The following CRLS1 variants were observed in gnomAD, a reference collection of about 807,000 sequenced individuals.
CRLS1 encodes cardiolipin synthase (CMP-forming).
Under a neutral mutation model 37.0 loss-of-function variants are expected in CRLS1, and 24 were observed. The ratio of observed to expected loss-of-function variants is 0.65; its 90% CI spans 0.47 to 0.91. The LOEUF is 0.91. Among genes scored for constraint, CRLS1 ranks in the 40% least tolerant of loss-of-function variants. The pLI, the probability that CRLS1 is intolerant of heterozygous loss-of-function variation, is 0.00. For synonymous variants in CRLS1, 135 were observed against 159.7 expected (o/e 0.85, Z 1.17); for missense variants, 373 against 395.8 (o/e 0.94, Z 0.49).
At position 6,039,406 on chromosome 20, in the gene CRLS1, A is replaced by C. The variant is rs1980814065; in HGVS notation, c.*2248A>C. 6.6e-6 allele frequency: 1 copy of C among 152,052 alleles called. No homozygotes were observed. The highest frequency in any genetic ancestry group is 2.4e-5 in the African/African-American group (1 of 41,380). The allele number at this position is 152,052 out of a possible 1,614,324, so 9.4% of individuals were successfully genotyped here. ...CATTTAGGCCAATTCTTTTAGTTAC[A>C]TTTATGATGAAACTAGGGATCTACC... On this transcript the variant is annotated 3_prime_UTR_variant, in exon 7 of 7. Transcript: ENST00000378863.
Position 6,006,689 on chromosome 20 carries a change from C to G in CRLS1, c.306+137C>G, listed in dbSNP as rs187814135. 4.7e-3 allele frequency: 5,720 copies of G among 1,209,996 alleles called. 17 individuals carry two copies. Among genetic ancestry groups the G allele is most frequent in the Non-Finnish European group, 5.2e-3 (5,035 of 974,412 alleles). 75.0% of individuals were successfully genotyped at this position (1,209,996 alleles called of 1,614,324 possible). On this transcript the variant is annotated intron_variant, in intron 1 of 6. Coordinates refer to ENST00000378863, the MANE Select transcript of CRLS1 (RefSeq NM_019095.6). ...TAGACTCTTCCCTGAAAAGAAGTTACTGGCAGGTCATTCGGTCGGGATGAA... is the reference window on the plus strand; with the variant it reads ...TAGACTCTTCCCTGAAAAGAAGTTAGTGGCAGGTCATTCGGTCGGGATGAA...
rs1209750150 is a variant in CRLS1, at chr20:6,021,090, G to A, written c.574+5600G>A. Among the ~76,000 whole-genome samples, 25 of 139,294 alleles carry A rather than the reference G, an allele frequency of 1.8e-4. No individual in the cohort carries two copies. The East Asian group carries it at 2.8e-3, about 16-fold the overall frequency. 91.4% of individuals were successfully genotyped at this position (139,294 alleles called of 152,430 possible). A position where few individuals can be genotyped will look rare whatever the true frequency, so the allele number is the denominator to read the frequency against. On this transcript the variant is annotated intron_variant, in intron 3 of 6. Transcript: ENST00000378863. Reference sequence around the variant, plus strand: ...CTTTTTTTTTTTTTTTTTTTGAGACGGAGTCTCGCTCTGTCTCCCAGGCTA... The same window carrying A: ...CTTTTTTTTTTTTTTTTTTTGAGACAGAGTCTCGCTCTGTCTCCCAGGCTA...
chr20:6,021,665 C>T lies in CRLS1; in HGVS notation c.574+6175C>T, dbSNP rs186751322. On this transcript the variant is annotated intron_variant, in intron 3 of 6. Coordinates refer to ENST00000378863, the MANE Select transcript of CRLS1 (RefSeq NM_019095.6). ...TTAAATAAAACCCATTTTGTCTTAACCCATATAGTCTTTTAACAGAAGCAT... is the reference window on the plus strand; with the variant it reads ...TTAAATAAAACCCATTTTGTCTTAATCCATATAGTCTTTTAACAGAAGCAT... Among the ~76,000 whole-genome samples the T allele has an allele frequency of 3.3e-3, 496 of 152,066 alleles. 2 individuals are homozygous for T. The highest frequency in any genetic ancestry group is 0.011 in the African/African-American group (461 of 41,458).
chr20:6,036,070 G>A (rs1600394669), intron 6 of CRLS1, among the ~76,000 whole-genome samples: 2 of 152,212 alleles, frequency 1.3e-5, no homozygotes, highest in South Asian at 4.1e-4. Context: ...CTCTCAAAGT[G>A]CTGGGATTAC....
intron 3 of CRLS1, among the ~76,000 whole-genome samples, chr20:6,024,569 C>T (rs898910064): frequency 6.6e-6 from 1 of 152,146 alleles, no homozygotes; most frequent in Admixed American, 6.5e-5. Context: ...CAATTAATAA[C>T]CCTGCAATGT....
At chr20:6,015,230 A>G (rs545538633) in intron 2 of CRLS1, 131 bp from the exon 3 acceptor site, 25 of 512,794 alleles carry the variant, frequency 4.9e-5, no homozygotes, top group East Asian at 3.9e-4. Flanking sequence ...GTTTGGGGGT[A>G]AGAAACAGAA....
chr20:6,031,640 A>C (rs192068687), intron 4 of CRLS1, among the ~76,000 whole-genome samples: 1 of 152,326 alleles, frequency 6.6e-6, no homozygotes, highest in Admixed American at 6.5e-5. Context: ...ATATTTATTC[A>C]CAGGCTCTAT....
Position 6,025,767 on chromosome 20 carries a change from A to T in CRLS1, c.575-5518A>T, listed in dbSNP as rs115704950. 8.5e-3 allele frequency among the ~76,000 whole-genome samples: 1,289 copies of T among 152,304 alleles called. 17 individuals are homozygous for T. The highest frequency in any genetic ancestry group is 0.03 in the African/African-American group (1,230 of 41,564). On this transcript the variant is annotated intron_variant, in intron 3 of 6. Coordinates refer to ENST00000378863, the MANE Select transcript of CRLS1 (RefSeq NM_019095.6). The stretch of plus-strand genomic sequence containing the variant: ...TTTTGGAAGAAGTTGATTCCAACCC[A>T]CATGGATGATTTGAGGGGTTCAAGA...
At position 6,034,542 on chromosome 20, in the gene CRLS1, C is replaced by T. The variant is rs1388035327; in HGVS notation, c.808C>T (p.Leu270Phe). The change falls in exon 6 of 7, where the codon CTT (leucine) becomes TTT (phenylalanine). Residue 270 changes from leucine to phenylalanine, a missense_variant. Transcript: ENST00000378863. ...TTTCAACTATGCTGACAGCATTTAT[C>T]TTCAGATACTATGGTAAGCTAAATT... ...PVFNYADSIY[L>F]QILWCFTAFT... 1.2e-6 allele frequency: 2 copies of T among 1,609,450 alleles called. No individual in the cohort carries two copies. Among genetic ancestry groups the T allele is most frequent in the Non-Finnish European group, 1.7e-6 (2 of 1,177,042 alleles).
intron 1 of CRLS1, among the ~76,000 whole-genome samples, chr20:6,008,584 G>C (rs1256638819): frequency 1.3e-5 from 2 of 152,206 alleles, no homozygotes; most frequent in Non-Finnish European, 2.9e-5. Context: ...GTTTTTAGTT[G>C]AGGATCTTAA....
intron 3 of CRLS1, chr20:6,026,264 T>A (rs1000597942): frequency 1.3e-5 from 2 of 152,176 alleles, no homozygotes; most frequent in African/African-American, 4.8e-5. Context: ...AGCAAAAAGA[T>A]TATGACTCAT....
chr20:6,034,407 C>A, intron 5 of CRLS1, 57 bp from the exon 6 acceptor site: 4 of 1,240,018 alleles, frequency 3.2e-6, no homozygotes, highest in South Asian at 1.2e-5. Flanking sequence ...GTCTTGAAAG[C>A]TTGAAATAGG....
chr20:6,018,063 A>G (rs1978898450), intron 3 of CRLS1, among the ~76,000 whole-genome samples: 1 of 151,930 alleles, frequency 6.6e-6, no homozygotes, highest in South Asian at 2.1e-4. Context: ...TAAAAATACA[A>G]CAATTAGCCA....
intron 3 of CRLS1, among the ~76,000 whole-genome samples, chr20:6,027,082 A>ATT (rs11361547): frequency 6.2e-5 from 8 of 128,464 alleles, no homozygotes; most frequent in Non-Finnish European, 1.2e-4. Context: ...TGGAAATTGA[A>ATT]TTTTTTTTTT....
Position 6,006,499 on chromosome 20 carries a change from G to A in CRLS1, c.253G>A (p.Ala85Thr). ...TCCCAGGCCAGCGGCCGGAGCGGGC[G>A]CCGCTGCCGAAGCCCCGGGCGGCCA... ...AAPRPAAGAG[A>T]AAEAPGGQWG... is the part of the protein sequence containing the mutation. Residue 85 changes from alanine (A) to threonine (T), a missense_variant, in exon 1 of 7, where the codon GCC becomes ACC. By Grantham distance (58) the Ala-to-Thr change is moderately conservative. Transcript: ENST00000378863. 4 of 1,356,992 alleles carry A rather than the reference G, an allele frequency of 2.9e-6. No individual in the cohort carries two copies. Among genetic ancestry groups the A allele is most frequent in the African/African-American group, 1.5e-5 (1 of 65,492 alleles). 84.1% of individuals were successfully genotyped at this position (1,356,992 alleles called of 1,614,324 possible). A position where few individuals can be genotyped will look rare whatever the true frequency, so the allele number is the denominator to read the frequency against.
At chr20:6,024,510 C>G (rs1188110518) in intron 3 of CRLS1, among the ~76,000 whole-genome samples, 1 of 152,166 alleles carries the variant, frequency 6.6e-6, no homozygotes, top group Non-Finnish European at 1.5e-5. Flanking sequence ...CACTCTCCCT[C>G]TCCTCAGGCC....
intron 2 of CRLS1, among the ~76,000 whole-genome samples, chr20:6,014,562 A>T (rs550028536): frequency 1.3e-5 from 2 of 152,220 alleles, no homozygotes; most frequent in African/African-American, 4.8e-5. Context: ...GTTTAATGTG[A>T]ATAGACAGTA....
chr20:6,012,038 T>C (rs1198080825), intron 2 of CRLS1, among the ~76,000 whole-genome samples: 1 of 151,952 alleles, frequency 6.6e-6, no homozygotes, highest in Non-Finnish European at 1.5e-5. Flanking sequence ...ACGTTTTTTT[T>C]TTTCTTGTAA....
chr20:6,006,810 G>A, intron 1 of CRLS1: 2 of 985,334 alleles, frequency 2.0e-6, no homozygotes, highest in Admixed American at 6.1e-5. Flanking sequence ...TGGAAGGGCC[G>A]CCTCTGCATA....
Sources: allele counts gnomAD v4.1 joint callset (sites outside exome capture counted in the v4.1 genomes callset), GRCh38; gene constraint gnomAD v4.1.1; transcripts MANE v1.5; gene names NCBI Gene and HGNC (gene_info 2026-07-23, HGNC 2026-07-21).